The following ATRNL1 variants were observed in gnomAD, a reference collection of about 807,000 sequenced individuals.
ATRNL1 encodes the protein attractin-like protein 1.
Under a neutral mutation model 182.7 loss-of-function variants are expected in ATRNL1, and 95 were observed. The observed-to-expected ratio is 0.52, with a 90% CI of 0.44 to 0.62. The LOEUF is 0.62. Among genes scored for constraint, ATRNL1 ranks in the 20% least tolerant of loss-of-function variants. The pLI, the probability that ATRNL1 is intolerant of heterozygous loss-of-function variation, is 0.00. For synonymous variants in ATRNL1, 576 were observed against 568.3 expected, an observed-to-expected ratio of 1.01 and a Z score of -0.19; for missense variants, 1,471 against 1,679.5, an observed-to-expected ratio of 0.88 and a Z score of 2.17.
At chr10:115,496,214 G>A (rs1333535914) in intron 24 of ATRNL1, among the ~76,000 whole-genome samples, 4 of 151,784 alleles carry the variant, frequency 2.6e-5, no homozygotes, top group African/African-American at 7.3e-5. Flanking sequence ...GGGTGTCATT[G>A]CACGTAAGAT....
At chr10:115,880,826 A>G (rs1183485128) in intron 28 of ATRNL1, among the ~76,000 whole-genome samples, 6 of 152,180 alleles carry the variant, frequency 3.9e-5, no homozygotes, top group Non-Finnish European at 8.8e-5. Context: ...GCTGCAATGT[A>G]TGGTAATCAA....
chr10:115,926,104 C>A (rs868979609), intron 28 of ATRNL1, among the ~76,000 whole-genome samples: 3 of 152,012 alleles, frequency 2.0e-5, no homozygotes, highest in South Asian at 2.1e-4. Flanking sequence ...ATTAAGAAAT[C>A]CACTCAAAAC....
chr10:115,339,576 T>C (rs1010494969), intron 19 of ATRNL1, among the ~76,000 whole-genome samples: 4 of 152,348 alleles, frequency 2.6e-5, no homozygotes, highest in African/African-American at 9.6e-5. Context: ...TCAATTTTAC[T>C]GAATTTATCA....
At chr10:115,110,897 A>G (rs1197090207) in intron 1 of ATRNL1, among the ~76,000 whole-genome samples, 1 of 152,168 alleles carries the variant, frequency 6.6e-6, no homozygotes, top group Non-Finnish European at 1.5e-5. Flanking sequence ...TCTGCCATGA[A>G]TGGTTAGAAT....
intron 27 of ATRNL1, among the ~76,000 whole-genome samples, chr10:115,770,785 G>C (rs1005934965): frequency 6.6e-6 from 1 of 152,048 alleles, no homozygotes; most frequent in African/African-American, 2.4e-5. Context: ...AATAAAACCA[G>C]TAAAAAGACT....
intron 28 of ATRNL1, among the ~76,000 whole-genome samples, chr10:115,879,015 A>G (rs1456515406): frequency 1.3e-5 from 2 of 152,208 alleles, no homozygotes; most frequent in Non-Finnish European, 2.9e-5. Context: ...TATGCCAGGT[A>G]GTGTTAAAAA....
intron 25 of ATRNL1, among the ~76,000 whole-genome samples, chr10:115,529,799 GCA>G (rs1851456638): frequency 6.6e-6 from 1 of 152,058 alleles, no homozygotes; most frequent in Non-Finnish European, 1.5e-5. Flanking sequence ...AATTGAAAGT[GCA>G]CAGTTATTCT....
chr10:115,200,975 C>T (rs1445871124), intron 8 of ATRNL1, among the ~76,000 whole-genome samples: 2 of 151,190 alleles, frequency 1.3e-5, no homozygotes, highest in Non-Finnish European at 3.0e-5. Flanking sequence ...TCTCTGATGG[C>T]CAGTGATGAT....
intron 8 of ATRNL1, among the ~76,000 whole-genome samples, chr10:115,175,419 T>C (rs1384091189): frequency 6.6e-6 from 1 of 152,122 alleles, no homozygotes; most frequent in East Asian, 1.9e-4. Context: ...AATGCCAATT[T>C]TGTTTTAGAT....
At chr10:115,105,792 G>A (rs1227563120) in intron 1 of ATRNL1, among the ~76,000 whole-genome samples, 1 of 152,182 alleles carries the variant, frequency 6.6e-6, no homozygotes, top group East Asian at 1.9e-4. Context: ...ATCGAGGTTT[G>A]GGAACCTCTG....
chr10:115,465,759 T>C (rs1848024609), intron 22 of ATRNL1, among the ~76,000 whole-genome samples: 1 of 151,582 alleles, frequency 6.6e-6, no homozygotes, highest in African/African-American at 2.4e-5. Flanking sequence ...CTCAGATGCT[T>C]TCTCCACAAT....
chr10:115,936,458 A>C (rs1161326497), intron 28 of ATRNL1, among the ~76,000 whole-genome samples: 1 of 152,148 alleles, frequency 6.6e-6, no homozygotes, highest in Non-Finnish European at 1.5e-5. Context: ...GAGTGAAGTT[A>C]TTTGCTTCTC....
At chr10:115,672,288 A>C (rs1451720450) in intron 26 of ATRNL1, among the ~76,000 whole-genome samples, 1 of 152,102 alleles carries the variant, frequency 6.6e-6, no homozygotes, top group Non-Finnish European at 1.5e-5. Flanking sequence ...CTTGCCCTAG[A>C]TTAAACAGCC....
intron 13 of ATRNL1, among the ~76,000 whole-genome samples, chr10:115,270,382 T>C (rs1223169852): frequency 1.6e-5 from 2 of 121,984 alleles, no homozygotes; most frequent in African/African-American, 3.2e-5. Flanking sequence ...TATTATATAA[T>C]ATATAAATAT....
chr10:115,201,356 G>A lies in ATRNL1; in HGVS notation c.1349-14341G>A, dbSNP rs1337919869. Reference sequence around the variant, plus strand: ...CTAGGTTTTCTTCTAGGGTTTTTATGGTTTTAGGTCTAACATTTAAGTGTT... The same window carrying A: ...CTAGGTTTTCTTCTAGGGTTTTTATAGTTTTAGGTCTAACATTTAAGTGTT... On this transcript the variant is annotated intron_variant, in intron 8 of 28. Coordinates refer to ENST00000355044, the MANE Select transcript of ATRNL1 (RefSeq NM_207303.4). Among the ~76,000 whole-genome samples, 6 of 151,976 alleles carry A rather than the reference G, an allele frequency of 3.9e-5. No homozygotes were observed. The East Asian group carries it at 1.2e-3, about 29-fold the overall frequency.
At chr10:115,613,851 ATATCAGTTATAATATCTCCTATTTCAT>A (rs1404119818) in intron 26 of ATRNL1, among the ~76,000 whole-genome samples, 1 of 151,796 alleles carries the variant, frequency 6.6e-6, no homozygotes, top group Non-Finnish European at 1.5e-5. Flanking sequence ...CATTTCTATG[ATATCAGTTATAATATCTCCTATTTCAT>A]TTCTGATTGT....
intron 21 of ATRNL1, among the ~76,000 whole-genome samples, chr10:115,436,155 A>G (rs1465710653): frequency 3.3e-5 from 5 of 152,122 alleles, no homozygotes; most frequent in African/African-American, 1.2e-4. Context: ...ATTTAAAGAA[A>G]AAATGAATTT....
intron 8 of ATRNL1, among the ~76,000 whole-genome samples, chr10:115,182,901 TA>T (rs2144172102): frequency 6.6e-6 from 1 of 151,300 alleles, no homozygotes; most frequent in South Asian, 2.1e-4. Flanking sequence ...CACGATAGGA[TA>T]AAAAATAAGA....
intron 26 of ATRNL1, among the ~76,000 whole-genome samples, chr10:115,576,279 G>T (rs1000592874): frequency 3.3e-5 from 5 of 151,922 alleles, no homozygotes; most frequent in Non-Finnish European, 7.4e-5. Context: ...CTGAGCCATA[G>T]GATAATTCTT....
Sources: allele counts gnomAD v4.1 joint callset (sites outside exome capture counted in the v4.1 genomes callset), GRCh38; gene constraint gnomAD v4.1.1; transcripts MANE v1.5; gene names NCBI Gene and HGNC (gene_info 2026-07-23, HGNC 2026-07-21).